SDCCAG8: variants seen among roughly 807,000 people sequenced by gnomAD.
The protein encoded by SDCCAG8 is serologically defined colon cancer antigen 8.
Under a neutral mutation model 101.8 loss-of-function variants are expected in SDCCAG8, and 74 were observed. The ratio of observed to expected loss-of-function variants is 0.73; its 90% confidence interval spans 0.60 to 0.88. The LOEUF is 0.88. Ranked by LOEUF, SDCCAG8 falls within the 40% of genes least tolerant of loss-of-function variation. SDCCAG8 has a pLI of 0.00. For missense variants in SDCCAG8, 787 were observed against 822.6 expected (o/e 0.96, Z 0.53); for synonymous variants, 281 against 292.9 (o/e 0.96, Z 0.41).
At position 243,320,129 on chromosome 1, in the gene SDCCAG8, T is replaced by G. The variant is rs538201694; in HGVS notation, c.1068+3236T>G. Among the ~76,000 whole-genome samples the G allele has an allele frequency of 4.5e-4, 69 of 152,346 alleles. 2 individuals carry two copies. The South Asian group carries it at 0.014, about 31-fold the overall frequency. ...GGCACTTTTACTCACTAACATGCTC[T>G]GATCAGAAAACTGGATTTCACCCTG... On this transcript the variant is annotated intron_variant, in intron 9 of 17. Coordinates refer to ENST00000366541, the MANE Select transcript of SDCCAG8 (RefSeq NM_006642.5).
At chr1:243,498,774 G>C (rs1026624220) in intron 17 of SDCCAG8, among the ~76,000 whole-genome samples, 3 of 152,248 alleles carry the variant, frequency 2.0e-5, no homozygotes, top group African/African-American at 7.2e-5. Context: ...TTGGAGTCCA[G>C]CTTGGAAAAT....
chr1:243,499,654 C>CAACA (rs1669017445), intron 17 of SDCCAG8, 102 bp from the exon 18 acceptor site: 2 of 957,700 alleles, frequency 2.1e-6, no homozygotes, highest in Non-Finnish European at 1.7e-6. Flanking sequence ...TTTTCTCCAA[C>CAACA]AACAGTTTTC....
intron 16 of SDCCAG8, among the ~76,000 whole-genome samples, chr1:243,464,452 A>G (rs753074392): frequency 6.6e-5 from 10 of 152,228 alleles, no homozygotes; most frequent in Non-Finnish European, 1.0e-4. Context: ...TTCTGTAACT[A>G]TACTTAATAT....
intron 6 of SDCCAG8, among the ~76,000 whole-genome samples, chr1:243,301,810 A>G (rs1357457780): frequency 6.6e-6 from 1 of 152,268 alleles, no homozygotes; most frequent in East Asian, 1.9e-4. Flanking sequence ...AGTAAAGGAT[A>G]TAAAGCTGGA....
chr1:243,294,473 T>TG (rs748640257), intron 6 of SDCCAG8, among the ~76,000 whole-genome samples: 3,715 of 94,802 alleles, frequency 0.039, 162 homozygotes, highest in East Asian at 0.13. Context: ...CCCCAAAAGG[T>TG]GGGGGGGGGG....
chr1:243,445,442 A>G (rs1281084412), intron 16 of SDCCAG8, among the ~76,000 whole-genome samples: 1 of 152,220 alleles, frequency 6.6e-6, no homozygotes, highest in Non-Finnish European at 1.5e-5. Context: ...GACTAGTACT[A>G]ATGATGAAAA....
intron 12 of SDCCAG8, among the ~76,000 whole-genome samples, chr1:243,377,000 T>C (rs889853909): frequency 3.3e-5 from 5 of 152,186 alleles, no homozygotes; most frequent in Non-Finnish European, 7.4e-5. Flanking sequence ...TTTCTCACTT[T>C]TCTTGCTCAT....
At chr1:243,257,035 A>G (rs1453384817) in intron 1 of SDCCAG8, among the ~76,000 whole-genome samples, 2 of 152,226 alleles carry the variant, frequency 1.3e-5, no homozygotes, top group South Asian at 2.1e-4. Flanking sequence ...GACAGCATAT[A>G]TAACATCTAG....
At chr1:243,304,168 C>T (rs1412452384) in intron 6 of SDCCAG8, among the ~76,000 whole-genome samples, 1 of 152,128 alleles carries the variant, frequency 6.6e-6, no homozygotes, top group Non-Finnish European at 1.5e-5. Flanking sequence ...TGAAATTCTT[C>T]ATTTTTCTAT....
chr1:243,411,716 C>T (rs1235526787), intron 13 of SDCCAG8, among the ~76,000 whole-genome samples: 3 of 152,136 alleles, frequency 2.0e-5, no homozygotes, highest in Non-Finnish European at 4.4e-5. Context: ...GCTTTTTAAA[C>T]TACGTGTACT....
chr1:243,328,336 T>G (rs1436506089), intron 9 of SDCCAG8, among the ~76,000 whole-genome samples: 1 of 152,068 alleles, frequency 6.6e-6, no homozygotes, highest in Admixed American at 6.5e-5. Context: ...TGGAGTGCAG[T>G]GGCACCATCT....
At chr1:243,360,814 T>A (rs1217033560) in intron 12 of SDCCAG8, among the ~76,000 whole-genome samples, 1 of 151,862 alleles carries the variant, frequency 6.6e-6, no homozygotes, top group Non-Finnish European at 1.5e-5. Context: ...AGAGTGAGAC[T>A]CCATCTCAAA....
chr1:243,436,413 G>A (rs1361865151), intron 16 of SDCCAG8, among the ~76,000 whole-genome samples: 1 of 152,060 alleles, frequency 6.6e-6, no homozygotes, highest in African/African-American at 2.4e-5. Flanking sequence ...GTTTTGTGAA[G>A]GGTGTAAAGT....
intron 8 of SDCCAG8, among the ~76,000 whole-genome samples, chr1:243,315,731 A>T (rs1401521413): frequency 6.6e-6 from 1 of 151,754 alleles, no homozygotes; most frequent in Non-Finnish European, 1.5e-5. Context: ...CTTGCTAATT[A>T]AAAAAAAATC....
At chr1:243,412,498 G>A (rs888672851) in intron 13 of SDCCAG8, among the ~76,000 whole-genome samples, 4 of 152,144 alleles carry the variant, frequency 2.6e-5, no homozygotes, top group Admixed American at 6.5e-5. Flanking sequence ...TCCAACTGGC[G>A]GCCCAGGACA....
chr1:243,360,036 C>T (rs906902940), intron 12 of SDCCAG8, among the ~76,000 whole-genome samples: 15 of 151,902 alleles, frequency 9.9e-5, no homozygotes, highest in Non-Finnish European at 1.6e-4. Context: ...TGGTACTGAG[C>T]ATTTTTTCAG....
chr1:243,267,430 C>G, intron 1 of SDCCAG8: 1 of 305,000 alleles, frequency 3.3e-6, no homozygotes, highest in East Asian at 9.1e-5. Flanking sequence ...GAAACCCCGT[C>G]TCTACTAAAA....
intron 4 of SDCCAG8, 24 bp from the exon 5 acceptor site, chr1:243,286,248 T>C: frequency 6.2e-7 from 1 of 1,609,878 alleles, no homozygotes; most frequent in East Asian, 2.2e-5. Flanking sequence ...TAATGCTTAA[T>C]GTGTTTGGTT....
chr1:243,449,885 G>A (rs1194412504), intron 16 of SDCCAG8, among the ~76,000 whole-genome samples: 2 of 152,086 alleles, frequency 1.3e-5, no homozygotes. Context: ...CTCCCATCTT[G>A]GGATTCTGTC....
Sources: allele counts gnomAD v4.1 joint callset (sites outside exome capture counted in the v4.1 genomes callset), GRCh38; gene constraint gnomAD v4.1.1; transcripts MANE v1.5; gene names NCBI Gene and HGNC (gene_info 2026-07-23, HGNC 2026-07-21).